Variants in GRM5 observed in about 807,000 individuals in gnomAD.
GRM5 encodes the protein glutamate metabotropic receptor 5.
A neutral mutation model predicts 83.1 loss-of-function variants in GRM5; 19 were observed. That is an observed-to-expected ratio of 0.23 (90% CI 0.16 to 0.34). The LOEUF (loss-of-function observed/expected upper bound fraction) is 0.34. Ranked by LOEUF, GRM5 falls within the 10% of genes least tolerant of loss-of-function variation. The pLI, the probability that GRM5 is intolerant of heterozygous loss-of-function variation, is 1.00. For missense variants in GRM5, 1,160 were observed against 1,588.3 expected, an observed-to-expected ratio of 0.73 and a Z score of 4.58; for synonymous variants, 675 against 633.6, an observed-to-expected ratio of 1.07 and a Z score of -0.98.
intron 1 of GRM5, among the ~76,000 whole-genome samples, chr11:89,053,902 G>A (rs11018440): frequency 0.24 from 35,929 of 152,060 alleles, 5,054 homozygotes; most frequent in Non-Finnish European, 0.32. Flanking sequence ...AATATTTAGT[G>A]TGCTGAGGAG....
At chr11:88,583,349 G>A (rs1001916155) in intron 7 of GRM5, among the ~76,000 whole-genome samples, 1 of 152,088 alleles carries the variant, frequency 6.6e-6, no homozygotes, top group African/African-American at 2.4e-5. Context: ...AAAGCAATTA[G>A]GTAACTCAGG....
At chr11:89,050,925 T>G (rs1297363256) in intron 1 of GRM5, among the ~76,000 whole-genome samples, 1 of 151,960 alleles carries the variant, frequency 6.6e-6, no homozygotes, top group African/African-American at 2.4e-5. Context: ...GTATACATAG[T>G]GGGGAACAAC....
chr11:88,965,345 C>T (rs1198004449), intron 2 of GRM5, among the ~76,000 whole-genome samples: 1 of 152,088 alleles, frequency 6.6e-6, no homozygotes, highest in African/African-American at 2.4e-5. Context: ...AGGGCTAGCT[C>T]ACTCTCTGGC....
At chr11:88,959,044 T>A (rs1309963009) in intron 2 of GRM5, among the ~76,000 whole-genome samples, 2 of 152,104 alleles carry the variant, frequency 1.3e-5, no homozygotes, top group East Asian at 3.8e-4. Context: ...GAAAATTCGA[T>A]CATATATTCA....
intron 8 of GRM5, among the ~76,000 whole-genome samples, chr11:88,563,327 C>T (rs914421232): frequency 6.6e-6 from 1 of 152,152 alleles, no homozygotes; most frequent in African/African-American, 2.4e-5. Flanking sequence ...TTTGCATTTT[C>T]CATCTGTGTA....
At chr11:89,064,531 C>T (rs1339556499) in intron 1 of GRM5, among the ~76,000 whole-genome samples, 1 of 152,084 alleles carries the variant, frequency 6.6e-6, no homozygotes, top group African/African-American at 2.4e-5. Flanking sequence ...CTGAAGCTTC[C>T]TTTATCCATA....
intron 3 of GRM5, among the ~76,000 whole-genome samples, chr11:88,720,110 C>T (rs1485848087): frequency 6.6e-6 from 1 of 151,962 alleles, no homozygotes; most frequent in South Asian, 2.1e-4. Flanking sequence ...GAAGACAGAA[C>T]CTGGCATTTA....
At chr11:88,555,740 T>C (rs922189909) in intron 8 of GRM5, among the ~76,000 whole-genome samples, 1 of 152,162 alleles carries the variant, frequency 6.6e-6, no homozygotes, top group African/African-American at 2.4e-5. Context: ...AGAGATGCTG[T>C]GACTATTTTC....
intron 2 of GRM5, among the ~76,000 whole-genome samples, chr11:88,983,685 T>C (rs1260861266): frequency 1.3e-5 from 2 of 152,156 alleles, no homozygotes; most frequent in Non-Finnish European, 2.9e-5. Flanking sequence ...CTTTATACTT[T>C]TTATCATTAT....
chr11:88,746,200 C>T (rs1942137196), intron 3 of GRM5, among the ~76,000 whole-genome samples: 1 of 152,106 alleles, frequency 6.6e-6, no homozygotes, highest in Admixed American at 6.6e-5. Context: ...GGTGTTGTCT[C>T]TCTAGGAATA....
chr11:88,719,380 A>G (rs1211263225), intron 3 of GRM5, among the ~76,000 whole-genome samples: 2 of 152,028 alleles, frequency 1.3e-5, no homozygotes, highest in African/African-American at 2.4e-5. Context: ...ATGTCCCTGC[A>G]AAGGACACAG....
At chr11:88,611,891 AG>A (rs1400086490) in intron 4 of GRM5, among the ~76,000 whole-genome samples, 1 of 151,994 alleles carries the variant, frequency 6.6e-6, no homozygotes, top group Non-Finnish European at 1.5e-5. Context: ...ATACTGCTTT[AG>A]CTATGTCCCA....
intron 2 of GRM5, among the ~76,000 whole-genome samples, chr11:88,962,691 C>T (rs1348070415): frequency 6.6e-6 from 1 of 152,152 alleles, no homozygotes; most frequent in Non-Finnish European, 1.5e-5. Context: ...ATGAGTAAGA[C>T]GTACTCTAAC....
At chr11:88,984,712 A>T in intron 2 of GRM5, 1 of 655,042 alleles carries the variant, frequency 1.5e-6, no homozygotes, top group Non-Finnish European at 2.8e-6. Flanking sequence ...TTTATGTAAC[A>T]TTCAAACGGT....
chr11:88,560,933 A>G (rs1942740255), intron 8 of GRM5, among the ~76,000 whole-genome samples: 1 of 152,188 alleles, frequency 6.6e-6, no homozygotes, highest in Admixed American at 6.5e-5. Flanking sequence ...ATACATAATA[A>G]ATGCTCCAAG....
At chr11:89,024,738 AC>A (rs1441680536) in intron 2 of GRM5, among the ~76,000 whole-genome samples, 2 of 152,214 alleles carry the variant, frequency 1.3e-5, no homozygotes, top group Non-Finnish European at 2.9e-5. Context: ...ACTGGAAAAA[AC>A]AAATCTAATA....
chr11:88,572,126 T>C (rs1245013586), intron 7 of GRM5, among the ~76,000 whole-genome samples: 1 of 152,220 alleles, frequency 6.6e-6, no homozygotes, highest in Non-Finnish European at 1.5e-5. Flanking sequence ...ATGCTGTTTG[T>C]ACTGGGTCTG....
chr11:88,809,310 T>A (rs953909533), intron 3 of GRM5, among the ~76,000 whole-genome samples: 1 of 152,052 alleles, frequency 6.6e-6, no homozygotes, highest in Non-Finnish European at 1.5e-5. Context: ...AGAGGCTTAT[T>A]CTAATAAGCT....
chr11:88,845,839 C>T (rs1192048502), intron 3 of GRM5, among the ~76,000 whole-genome samples: 1 of 152,054 alleles, frequency 6.6e-6, no homozygotes, highest in Non-Finnish European at 1.5e-5. Context: ...CCAAGGAATG[C>T]CTGTATACTT....
Sources: allele counts gnomAD v4.1 joint callset (sites outside exome capture counted in the v4.1 genomes callset), GRCh38; gene constraint gnomAD v4.1.1; transcripts MANE v1.5; gene names NCBI Gene and HGNC (gene_info 2026-07-23, HGNC 2026-07-21).